Variants in FAM83F observed in about 807,000 individuals in gnomAD.
FAM83F encodes the protein protein FAM83F.
FAM83F carries 45 observed loss-of-function variants against 42.9 expected under a neutral mutation model. The observed-to-expected ratio is 1.05, with a 90% CI of 0.83 to 1.35. The LOEUF is 1.35. Among genes scored for constraint, FAM83F ranks in the 40% most tolerant of loss-of-function variants. FAM83F has a pLI of 0.00. For synonymous variants in FAM83F, 306 were observed against 298.3 expected (o/e 1.03, Z -0.27); for missense variants, 617 against 695.9 (o/e 0.89, Z 1.28).
chr22:40,028,936 C>G (rs979419868), intron 4 of FAM83F, among the ~76,000 whole-genome samples: 18 of 152,192 alleles, frequency 1.2e-4, no homozygotes, highest in Non-Finnish European at 2.9e-5. Flanking sequence ...CTGGCACTGT[C>G]GCTGGCTGGC....
chr22:39,998,374 C>T (rs1484813970), intron 1 of FAM83F, among the ~76,000 whole-genome samples: 1 of 152,174 alleles, frequency 6.6e-6, no homozygotes, highest in Non-Finnish European at 1.5e-5. Flanking sequence ...CATTTTGATT[C>T]CTGAATCACA....
At position 39,994,992 on chromosome 22, in the gene FAM83F, C is replaced by G. The variant is rs1458574658; in HGVS notation, c.-51C>G. ...GCGGCTCCAGGTGCGGCTGTGGGAC[C>G]TCGGACCGCGGCGGGGCCGGGGCCA... On this transcript the variant is annotated 5_prime_UTR_variant, in exon 1 of 5. Coordinates refer to ENST00000333407, the MANE Select transcript of FAM83F (RefSeq NM_138435.4). The G allele has an allele frequency of 5.7e-6, 7 of 1,231,532 alleles. No individual in the cohort carries two copies. In the African/African-American group the frequency reaches 9.4e-5, roughly 17 times the overall value. 76.3% of individuals were successfully genotyped at this position (1,231,532 alleles called of 1,614,324 possible).
At chr22:40,004,704 C>T (rs1172780220) in intron 1 of FAM83F, among the ~76,000 whole-genome samples, 21 of 152,208 alleles carry the variant, frequency 1.4e-4, no homozygotes, top group Admixed American at 1.4e-3. Flanking sequence ...TTCTAAAGTG[C>T]TGGGATTACA....
chr22:40,029,355 G>T (rs1018082357), intron 4 of FAM83F, among the ~76,000 whole-genome samples, 161 bp from the exon 5 acceptor site: 5 of 152,090 alleles, frequency 3.3e-5, no homozygotes, highest in African/African-American at 9.7e-5. Flanking sequence ...ACTTTCCCGG[G>T]TGCCCTATTG....
At chr22:40,008,477 C>T (rs973621460) in intron 1 of FAM83F, among the ~76,000 whole-genome samples, 1 of 152,222 alleles carries the variant, frequency 6.6e-6, no homozygotes, top group Admixed American at 6.5e-5. Flanking sequence ...ATCACCTCCC[C>T]ACTCTAAAAT....
rs924657168 is a variant in FAM83F at position 40,033,424 on chromosome 22, C to G, written c.*3859C>G. ...TATCCCCATCTTTCAGATGAGGAGGCACACAACTCTCCCCAGATCCCACGT... is the reference window on the plus strand; with the variant it reads ...TATCCCCATCTTTCAGATGAGGAGGGACACAACTCTCCCCAGATCCCACGT... On this transcript the variant is annotated 3_prime_UTR_variant, in exon 5 of 5. Transcript: ENST00000333407. 5.3e-5 allele frequency: 8 copies of G among 152,226 alleles called. No homozygotes were observed. The highest frequency in any genetic ancestry group is 1.9e-4 in the African/African-American group (8 of 41,460). The allele number at this position is 152,226 out of a possible 1,614,324, so 9.4% of individuals were successfully genotyped here.
chr22:40,000,405 A>T (rs3021270), intron 1 of FAM83F, among the ~76,000 whole-genome samples: 47,186 of 151,944 alleles, frequency 0.31, 7,887 homozygotes, highest in African/African-American at 0.42. Context: ...GGGCATGGCA[A>T]AGTCTTGGAG....
intron 3 of FAM83F, among the ~76,000 whole-genome samples, 163 bp downstream of exon 3, chr22:40,020,171 C>T (rs115808292): frequency 1.2e-3 from 185 of 152,244 alleles, no homozygotes; most frequent in African/African-American, 4.2e-3. Context: ...CTCAAACTTC[C>T]TGGTTGATGG....
At position 40,009,629 on chromosome 22, in the gene FAM83F, G is replaced by A. The variant is rs59943518; in HGVS notation, c.490-9539G>A. On this transcript the variant is annotated intron_variant, in intron 1 of 4. Coordinates refer to ENST00000333407, the MANE Select transcript of FAM83F (RefSeq NM_138435.4). ...ATTCAGTGACTGATGGGATTTGGTC[G>A]GTGGGGAGGAGGAGGAGGCCTGGGC... 8.5e-3 allele frequency: 1,305 copies of A among 153,054 alleles called. 20 individuals carry two copies. Among genetic ancestry groups the A allele is most frequent in the African/African-American group, 0.03 (1,252 of 41,566 alleles). 9.5% of individuals were successfully genotyped at this position (153,054 alleles called of 1,614,324 possible).
In FAM83F at chr22:40,042,298, C is replaced by A. The variant is rs569561196; in HGVS notation, c.*12733C>A. 1 of 152,214 alleles carries A rather than the reference C, an allele frequency of 6.6e-6. No individual in the cohort carries two copies. Among genetic ancestry groups the A allele is most frequent in the Non-Finnish European group, 1.5e-5 (1 of 68,042 alleles). 9.4% of individuals were successfully genotyped at this position (152,214 alleles called of 1,614,324 possible). ...GGAAGGCACAATGAGGTGGAGTGGA[C>A]AAATTGCTGAGGCCTTTATGGACAA... On this transcript the variant is annotated 3_prime_UTR_variant, in exon 5 of 5. Coordinates refer to ENST00000333407, the MANE Select transcript of FAM83F (RefSeq NM_138435.4).
chr22:40,028,409 G>T (rs1157640044), intron 4 of FAM83F, among the ~76,000 whole-genome samples: 1 of 152,244 alleles, frequency 6.6e-6, no homozygotes. Context: ...ATACTGGAAG[G>T]TTGTGTGAGC....
At position 40,008,782 on chromosome 22, in the gene FAM83F, A is replaced by G. The variant is rs528703022; in HGVS notation, c.490-10386A>G. The stretch of plus-strand genomic sequence containing the variant: ...ATTCTTTACACACTGAAGTTTGACA[A>G]CCTGCCCCATAGACCTTGATCCTCT... On this transcript the variant is annotated intron_variant, in intron 1 of 4. Transcript: ENST00000333407. 2.5e-4 allele frequency among the ~76,000 whole-genome samples: 38 copies of G among 152,316 alleles called. 1 individual carries two copies. The highest frequency in any genetic ancestry group is 8.7e-4 in the African/African-American group (36 of 41,562).
rs2067661341 is a variant in FAM83F, at chr22:40,043,421, A to T, written c.*13856A>T. ...GAATGCTGCTATAGGGAAAGAACCCAGTGGCCACCAGCCAGGAGCACACGT... is the reference window on the plus strand; with the variant it reads ...GAATGCTGCTATAGGGAAAGAACCCTGTGGCCACCAGCCAGGAGCACACGT... On this transcript the variant is annotated 3_prime_UTR_variant, in exon 5 of 5. Transcript: ENST00000333407. 6.6e-6 allele frequency: 1 copy of T among 152,244 alleles called. No homozygotes were observed. The highest frequency in any genetic ancestry group is 2.4e-5 in the African/African-American group (1 of 41,464). The allele number at this position is 152,244 out of a possible 1,614,324, so 9.4% of individuals were successfully genotyped here.
rs1031449599 is a variant in FAM83F, at chr22:39,995,288, C to T, written c.246C>T (p.Asn82=). 2.4e-5 allele frequency: 37 copies of T among 1,536,444 alleles called. No homozygotes were observed. The Admixed American group carries it at 2.9e-4, about 12-fold the overall frequency. Residue 82 remains asparagine, a synonymous_variant, in exon 1 of 5, where the codon AAC becomes AAT. Transcript: ENST00000333407. This position sits in a 1 kb window ranked among gnomAD's most constrained non-coding sequence, Gnocchi z 4.6. ...SPYEDAVPAA[N]ARGKSKAKAK... Reference sequence around the variant, plus strand: ...ACGAGGACGCCGTCCCCGCCGCCAACGCCCGGGGCAAGAGCAAGGCCAAGG... The same window carrying T: ...ACGAGGACGCCGTCCCCGCCGCCAATGCCCGGGGCAAGAGCAAGGCCAAGG...
intron 1 of FAM83F, among the ~76,000 whole-genome samples, chr22:40,014,251 T>A (rs935685790): frequency 6.6e-5 from 10 of 151,526 alleles, no homozygotes; most frequent in Non-Finnish European, 1.5e-5. Flanking sequence ...CATCATAAAT[T>A]TCTCTGTTAA....
chr22:40,039,806 G>A lies in FAM83F; in HGVS notation c.*10241G>A, dbSNP rs1436846545. 1.3e-5 allele frequency: 2 copies of A among 152,264 alleles called. No individual in the cohort carries two copies. The highest frequency in any genetic ancestry group is 2.9e-5 in the Non-Finnish European group (2 of 68,062). The allele number at this position is 152,264 out of a possible 1,614,324, so 9.4% of individuals were successfully genotyped here. On this transcript the variant is annotated 3_prime_UTR_variant, in exon 5 of 5. Transcript: ENST00000333407. ...AAAGAAAAGATTCTCAGAGTAAAAC[G>A]TATTGGTGAAGCCATGGAAACAAGG...
In FAM83F at chr22:40,031,194, G is replaced by T. The variant is rs1193400127; in HGVS notation, c.*1629G>T. 6.6e-6 allele frequency: 1 copy of T among 151,654 alleles called. No individual in the cohort carries two copies. The highest frequency in any genetic ancestry group is 1.9e-4 in the East Asian group (1 of 5,166). 9.4% of individuals were successfully genotyped at this position (151,654 alleles called of 1,614,324 possible). The stretch of plus-strand genomic sequence containing the variant: ...AATGCTTCTGGGAAGTGTTTCCTTA[G>T]GCACCAAGACCAGGCAGTGTGGCAT... On this transcript the variant is annotated 3_prime_UTR_variant, in exon 5 of 5. Coordinates refer to ENST00000333407, the MANE Select transcript of FAM83F (RefSeq NM_138435.4).
chr22:40,005,187 A>G (rs1170650566), intron 1 of FAM83F, among the ~76,000 whole-genome samples: 2 of 152,212 alleles, frequency 1.3e-5, no homozygotes, highest in Non-Finnish European at 2.9e-5. Flanking sequence ...CTGATAGATC[A>G]ATCAAGAAAT....
chr22:40,029,251 G>C (rs1451741977), intron 4 of FAM83F, among the ~76,000 whole-genome samples: 1 of 152,056 alleles, frequency 6.6e-6, no homozygotes. Flanking sequence ...ATCCTTCCCC[G>C]ACCCCTCTTT....
Sources: allele counts gnomAD v4.1 joint callset (sites outside exome capture counted in the v4.1 genomes callset), GRCh38; gene constraint gnomAD v4.1.1; non-coding constraint Gnocchi (gnomAD v3.1); transcripts MANE v1.5; gene names NCBI Gene and HGNC (gene_info 2026-07-23, HGNC 2026-07-21).